CAP2: variants seen among roughly 807,000 people sequenced by gnomAD.
CAP2 encodes the protein adenylyl cyclase-associated protein 2.
A neutral mutation model predicts 57.7 loss-of-function variants in CAP2; 24 were observed. The ratio of observed to expected loss-of-function variants is 0.42; its 90% confidence interval spans 0.30 to 0.58. The LOEUF is 0.58. CAP2 is among the 20% of genes least tolerant of loss of function. The probability of loss-of-function intolerance (pLI) is 0.22; values close to 1 mark genes in which losing one functional copy is unlikely to be tolerated. For synonymous variants in CAP2, 194 were observed against 207.2 expected (o/e 0.94, Z 0.55); for missense variants, 501 against 590.3 (o/e 0.85, Z 1.57).
At chr6:17,436,123 C>CTCCT (rs58986750) in intron 3 of CAP2, among the ~76,000 whole-genome samples, 7,610 of 65,138 alleles carry the variant, frequency 0.12, 292 homozygotes, top group African/African-American at 0.25. Flanking sequence ...CCTTCCTTCC[C>CTCCT]TCCTTCCTTC....
intron 3 of CAP2, among the ~76,000 whole-genome samples, chr6:17,430,719 C>T (rs142809623): frequency 0.022 from 3,350 of 151,994 alleles, 131 homozygotes; most frequent in African/African-American, 0.075. Flanking sequence ...TTGTATTTTT[C>T]GTAGAGACGG....
At chr6:17,416,859 G>A (rs1759289158) in intron 1 of CAP2, among the ~76,000 whole-genome samples, 1 of 152,162 alleles carries the variant, frequency 6.6e-6, no homozygotes, top group Non-Finnish European at 1.5e-5. Context: ...TTGGGAAACT[G>A]AAATGGGAGA....
At chr6:17,517,280 T>C (rs1762292771) in intron 7 of CAP2, among the ~76,000 whole-genome samples, 1 of 152,278 alleles carries the variant, frequency 6.6e-6, no homozygotes, top group Non-Finnish European at 1.5e-5. Flanking sequence ...AGCCTGTTAA[T>C]TCTCTAATGG....
At position 17,449,660 on chromosome 6, in the gene CAP2, C is replaced by T. The variant is rs562541458; in HGVS notation, c.223-13336C>T. Among the ~76,000 whole-genome samples, 25 of 152,100 alleles carry T rather than the reference C, an allele frequency of 1.6e-4. No individual in the cohort carries two copies. The East Asian group carries it at 1.7e-3, about 11-fold the overall frequency. ...CTGACCTCAGGTGATCCACCCACCT[C>T]GGCCTCCCAAAGTGTTGGGATTACA... On this transcript the variant is annotated intron_variant, in intron 3 of 12. Transcript: ENST00000229922.
intron 7 of CAP2, 21 bp from the exon 8 acceptor site, chr6:17,539,248 C>A (rs1561821004): frequency 6.3e-6 from 10 of 1,594,434 alleles, no homozygotes; most frequent in Admixed American, 1.8e-5. Context: ...CAATGCAATG[C>A]CCTGTCTTCT....
At chr6:17,501,812 A>G (rs577472877) in intron 4 of CAP2, among the ~76,000 whole-genome samples, 1 of 152,382 alleles carries the variant, frequency 6.6e-6, no homozygotes, top group Non-Finnish European at 1.5e-5. Context: ...ATGGAGTCCT[A>G]AAATACTCTT....
At chr6:17,476,917 G>C (rs1401196277) in intron 4 of CAP2, among the ~76,000 whole-genome samples, 1 of 132,290 alleles carries the variant, frequency 7.6e-6, no homozygotes, top group Admixed American at 9.0e-5. Flanking sequence ...TGCTGCCCAG[G>C]CTGGAGTGCA....
chr6:17,533,121 T>G (rs1762690094), intron 7 of CAP2, among the ~76,000 whole-genome samples: 1 of 149,896 alleles, frequency 6.7e-6, no homozygotes, highest in Non-Finnish European at 1.5e-5. Context: ...GTTTTCCCTT[T>G]CATAATAAAA....
chr6:17,538,134 G>GT (rs1280119501), intron 7 of CAP2, among the ~76,000 whole-genome samples: 1 of 151,800 alleles, frequency 6.6e-6, no homozygotes, highest in Non-Finnish European at 1.5e-5. Context: ...TATCCTACCA[G>GT]TTTTAAGTTC....
intron 3 of CAP2, among the ~76,000 whole-genome samples, chr6:17,439,521 AG>A (rs2113560595): frequency 6.6e-6 from 1 of 151,444 alleles, no homozygotes; most frequent in African/African-American, 2.4e-5. Context: ...TGGACCGGGG[AG>A]AGGGATTGCA....
chr6:17,399,858 G>A (rs1758763748), intron 1 of CAP2, among the ~76,000 whole-genome samples: 1 of 152,142 alleles, frequency 6.6e-6, no homozygotes, highest in Non-Finnish European at 1.5e-5. Flanking sequence ...ATAGAAGGGA[G>A]GTAACCTAAA....
intron 3 of CAP2, among the ~76,000 whole-genome samples, chr6:17,445,018 A>G (rs1760216895): frequency 6.6e-6 from 1 of 152,208 alleles, no homozygotes; most frequent in African/African-American, 2.4e-5. Flanking sequence ...ATTCACCAAT[A>G]TATTGACTTA....
chr6:17,456,952 T>C (rs1760587355), intron 3 of CAP2, among the ~76,000 whole-genome samples: 1 of 152,146 alleles, frequency 6.6e-6, no homozygotes, highest in Non-Finnish European at 1.5e-5. Flanking sequence ...CAGCTGTCTT[T>C]CCTGAGGGGA....
chr6:17,430,221 A>AT (rs1759691944), intron 3 of CAP2, among the ~76,000 whole-genome samples: 1 of 152,220 alleles, frequency 6.6e-6, no homozygotes, highest in South Asian at 2.1e-4. Flanking sequence ...AATAGCTACA[A>AT]TTAGGAATCT....
chr6:17,488,062 C>T (rs1363953227), intron 4 of CAP2, among the ~76,000 whole-genome samples: 1 of 151,862 alleles, frequency 6.6e-6, no homozygotes, highest in Non-Finnish European at 1.5e-5. Flanking sequence ...GTAGCAGGGA[C>T]ACCCACTTAG....
At chr6:17,522,535 A>T (rs1048174776) in intron 7 of CAP2, among the ~76,000 whole-genome samples, 2 of 152,194 alleles carry the variant, frequency 1.3e-5, no homozygotes, top group African/African-American at 4.8e-5. Flanking sequence ...CTGACACTTG[A>T]TTTGGATCTT....
In CAP2 at chr6:17,557,772, T is replaced by C. The variant is rs1763348484; in HGVS notation, c.*1330T>C. 6.6e-6 allele frequency: 1 copy of C among 152,248 alleles called. No individual in the cohort carries two copies. Among genetic ancestry groups the C allele is most frequent in the Non-Finnish European group, 1.5e-5 (1 of 68,044 alleles). The allele number at this position is 152,248 out of a possible 1,614,324, so 9.4% of individuals were successfully genotyped here. On this transcript the variant is annotated 3_prime_UTR_variant, in exon 13 of 13. Transcript: ENST00000229922. ...ATTCTGAAATAAAGTAAAATTCTAA[T>C]TGTTTAAATACTGTGATGAATTCTG...
At chr6:17,394,180 T>A (rs951233099) in intron 1 of CAP2, among the ~76,000 whole-genome samples, 5 of 148,668 alleles carry the variant, frequency 3.4e-5, no homozygotes, top group African/African-American at 1.2e-4. Flanking sequence ...GGGGTGGGAG[T>A]CATTGCGCCG....
intron 1 of CAP2, among the ~76,000 whole-genome samples, chr6:17,405,966 C>G (rs1268403436): frequency 6.6e-6 from 1 of 151,992 alleles, no homozygotes; most frequent in Non-Finnish European, 1.5e-5. Context: ...GTCGTGAACT[C>G]CTGGGCTCAA....
Sources: allele counts gnomAD v4.1 joint callset (sites outside exome capture counted in the v4.1 genomes callset), GRCh38; gene constraint gnomAD v4.1.1; transcripts MANE v1.5; gene names NCBI Gene and HGNC (gene_info 2026-07-23, HGNC 2026-07-21).